Variants in SSBP2 observed in about 807,000 individuals in gnomAD.
SSBP2 encodes single stranded DNA binding protein 2.
In SSBP2, 17 loss-of-function variants were observed where a neutral mutation model predicts 61.8. The observed-to-expected ratio is 0.28, with a 90% CI of 0.19 to 0.41. The LOEUF (loss-of-function observed/expected upper bound fraction) is 0.41, where lower values mean the gene tolerates loss of function less well. Among genes scored for constraint, SSBP2 ranks in the 10% least tolerant of loss-of-function variants. SSBP2 has a pLI of 1.00. For missense variants in SSBP2, 310 were observed against 458.7 expected (o/e 0.68, Z 2.96); for synonymous variants, 139 against 141.3 (o/e 0.98, Z 0.12).
intron 1 of SSBP2, among the ~76,000 whole-genome samples, chr5:81,650,988 T>A (rs76279315): frequency 6.6e-6 from 1 of 152,144 alleles, no homozygotes; most frequent in African/African-American, 2.4e-5. Context: ...AAATTATGTA[T>A]AAATTTTTCA....
At chr5:81,561,222 C>T (rs1318616090) in intron 4 of SSBP2, among the ~76,000 whole-genome samples, 1 of 152,004 alleles carries the variant, frequency 6.6e-6, no homozygotes, top group East Asian at 1.9e-4. Flanking sequence ...TGATACTGAA[C>T]AAGGAAAATA....
intron 4 of SSBP2, among the ~76,000 whole-genome samples, chr5:81,603,743 G>C (rs1004135989): frequency 1.3e-5 from 2 of 152,036 alleles, no homozygotes; most frequent in Admixed American, 1.3e-4. Flanking sequence ...TTCGTTATTA[G>C]GTTCACGTCT....
rs1358093697 is a variant in SSBP2, at chr5:81,419,023, CAG to C, written c.*1479_*1480del. The C allele has an allele frequency of 6.6e-6, 1 of 152,192 alleles. No individual in the cohort carries two copies. Among genetic ancestry groups the C allele is most frequent in the African/African-American group, 2.4e-5 (1 of 41,450 alleles). The allele number at this position is 152,192 out of a possible 1,614,324, so 9.4% of individuals were successfully genotyped here. ...CACAAAGGATCACCCAGTTATCTTT[CAG>C]AGTCTAAAATTAAAGTCTTCATATC... On this transcript the variant is annotated 3_prime_UTR_variant, in exon 17 of 17. Transcript: ENST00000320672.
chr5:81,425,599 A>G (rs1407196250), intron 16 of SSBP2, among the ~76,000 whole-genome samples: 1 of 152,194 alleles, frequency 6.6e-6, no homozygotes, highest in Non-Finnish European at 1.5e-5. Flanking sequence ...CTTGAGAAGC[A>G]TGAAAAACTA....
chr5:81,447,625 T>C (rs1371805105), intron 11 of SSBP2, among the ~76,000 whole-genome samples: 1 of 152,180 alleles, frequency 6.6e-6, no homozygotes, highest in Non-Finnish European at 1.5e-5. Flanking sequence ...AATGGCAAAA[T>C]TTTAACTTCA....
chr5:81,530,868 G>C (rs965691489), intron 4 of SSBP2, among the ~76,000 whole-genome samples: 3 of 151,892 alleles, frequency 2.0e-5, no homozygotes, highest in African/African-American at 7.3e-5. Context: ...GCAAAAAGTA[G>C]GTATTCAAAA....
intron 4 of SSBP2, among the ~76,000 whole-genome samples, chr5:81,564,195 C>T (rs926574221): frequency 6.6e-6 from 1 of 152,144 alleles, no homozygotes; most frequent in Non-Finnish European, 1.5e-5. Flanking sequence ...CCACAATGAG[C>T]TATCACCTCA....
chr5:81,457,062 A>G (rs543546118), intron 10 of SSBP2, among the ~76,000 whole-genome samples: 2 of 152,294 alleles, frequency 1.3e-5, no homozygotes, highest in African/African-American at 4.8e-5. Context: ...GAGAGGGCCT[A>G]AAAGTTGTAT....
chr5:81,730,533 T>A (rs562759885), intron 1 of SSBP2, among the ~76,000 whole-genome samples: 1 of 152,324 alleles, frequency 6.6e-6, no homozygotes, highest in South Asian at 2.1e-4. Flanking sequence ...TCTTGAAATG[T>A]TTACATAGTC....
chr5:81,420,631 T>C (rs762990712), intron 16 of SSBP2, 98 bp from the exon 17 acceptor site: 273 of 999,174 alleles, frequency 2.7e-4, no homozygotes, highest in Non-Finnish European at 2.9e-4. Flanking sequence ...TAATTTCTTA[T>C]CATCTTTTAT....
intron 1 of SSBP2, among the ~76,000 whole-genome samples, chr5:81,693,024 T>TTGTCTCTTCTACAAGAGACAAGTA (rs1753323771): frequency 6.6e-6 from 1 of 151,452 alleles, no homozygotes; most frequent in Non-Finnish European, 1.5e-5. Flanking sequence ...GCCAACACAG[T>TTGTCTCTTCTACAAGAGACAAGTA]GAAAGCTTGT....
chr5:81,660,615 T>C lies in SSBP2; in HGVS notation c.63-10276A>G, dbSNP rs530986587. The stretch of plus-strand genomic sequence containing the variant: ...ACAGTGTGGCAATTCCTCAAGGACC[T>C]AGAACCAGAAATACCATGTGACCCA... On this transcript the variant is annotated intron_variant, in intron 1 of 16. Transcript: ENST00000320672. Among the ~76,000 whole-genome samples, 6 of 152,294 alleles carry C rather than the reference T, an allele frequency of 3.9e-5. No homozygotes were observed. The South Asian group carries it at 1.0e-3, about 26-fold the overall frequency.
intron 2 of SSBP2, among the ~76,000 whole-genome samples, chr5:81,646,399 A>G (rs1283481079): frequency 6.6e-6 from 1 of 152,062 alleles, no homozygotes; most frequent in Non-Finnish European, 1.5e-5. Context: ...AAGTCTCCCT[A>G]TTTTACATTC....
At chr5:81,637,354 T>C (rs991894746) in intron 2 of SSBP2, among the ~76,000 whole-genome samples, 5 of 152,358 alleles carry the variant, frequency 3.3e-5, no homozygotes, top group Admixed American at 1.3e-4. Flanking sequence ...ACTGAAATTA[T>C]TGATTTTATG....
chr5:81,731,255 T>C lies in SSBP2; in HGVS notation c.62+19726A>G, dbSNP rs146293981. Among the ~76,000 whole-genome samples the C allele has an allele frequency of 1.3e-4, 20 of 152,332 alleles. No individual in the cohort carries two copies. The East Asian group carries it at 3.3e-3, about 25-fold the overall frequency. On this transcript the variant is annotated intron_variant, in intron 1 of 16. Transcript: ENST00000320672. ...TTATGTTCCTTGGGTCATTCAAATA[T>C]GTTAACAGTTTACTAAGAAATTATA...
At chr5:81,708,705 T>C (rs1754567411) in intron 1 of SSBP2, among the ~76,000 whole-genome samples, 3 of 152,024 alleles carry the variant, frequency 2.0e-5, no homozygotes, top group Non-Finnish European at 2.9e-5. Flanking sequence ...CTTTCTTCTT[T>C]AGTCTGTATG....
chr5:81,467,257 A>G (rs2154011819), intron 8 of SSBP2, among the ~76,000 whole-genome samples, 192 bp from the exon 9 acceptor site: 1 of 152,172 alleles, frequency 6.6e-6, no homozygotes, highest in East Asian at 1.9e-4. Flanking sequence ...GTGAATATGT[A>G]TGATCACTGG....
chr5:81,644,167 G>C (rs1749061052), intron 2 of SSBP2, among the ~76,000 whole-genome samples: 1 of 152,166 alleles, frequency 6.6e-6, no homozygotes, highest in Non-Finnish European at 1.5e-5. Context: ...TATAATCACA[G>C]AAAGTTTTAT....
chr5:81,692,300 A>C (rs541627345), intron 1 of SSBP2, among the ~76,000 whole-genome samples: 2 of 152,308 alleles, frequency 1.3e-5, no homozygotes, highest in African/African-American at 2.4e-5. Flanking sequence ...TTAACCAAAG[A>C]AGCGAAAGAT....
Sources: gnomAD v4.1 joint callset for allele counts (sites outside exome capture counted in the v4.1 genomes callset) on GRCh38, gnomAD v4.1.1 for gene constraint, MANE v1.5 for transcripts, NCBI Gene and HGNC (gene_info 2026-07-23, HGNC 2026-07-21) for gene names.